NRG1: variants seen among roughly 807,000 people sequenced by gnomAD.
NRG1 encodes the protein neuregulin 1.
In NRG1, 18 loss-of-function variants were observed where a neutral mutation model predicts 63.8. That is an observed-to-expected ratio of 0.28 (90% CI 0.19 to 0.42). NRG1 has a LOEUF of 0.42. NRG1 is among the 10% of genes least tolerant of loss of function. NRG1 has a pLI of 1.00. For missense variants in NRG1, 762 were observed against 814.7 expected (o/e 0.94, Z 0.79); for synonymous variants, 302 against 301.3 (o/e 1.00, Z -0.02).
intron 1 of NRG1, among the ~76,000 whole-genome samples, chr8:32,193,416 T>G (rs1842681186): frequency 6.6e-6 from 1 of 152,028 alleles, no homozygotes; most frequent in Non-Finnish European, 1.5e-5. Context: ...CTTTTAGAAA[T>G]GAAAAATAAT....
chr8:32,320,264 T>C (rs369762607), intron 1 of NRG1, among the ~76,000 whole-genome samples: 25 of 152,300 alleles, frequency 1.6e-4, no homozygotes, highest in African/African-American at 5.8e-4. Flanking sequence ...CAAAAGGAAT[T>C]CTGGCATCAT....
At chr8:31,796,686 C>T (rs1392511081) in intron 1 of NRG1, among the ~76,000 whole-genome samples, 1 of 152,046 alleles carries the variant, frequency 6.6e-6, no homozygotes, top group Non-Finnish European at 1.5e-5. Context: ...ATCTGCCTGC[C>T]TCAGCCTCCC....
intron 1 of NRG1, among the ~76,000 whole-genome samples, chr8:32,339,524 T>C (rs1331437870): frequency 6.6e-6 from 1 of 152,206 alleles, no homozygotes; most frequent in African/African-American, 2.4e-5. Context: ...TTTGCATTTG[T>C]GTTTTGTTGT....
At chr8:32,416,353 T>C (rs1447090313) in intron 1 of NRG1, among the ~76,000 whole-genome samples, 4 of 138,344 alleles carry the variant, frequency 2.9e-5, no homozygotes, top group Non-Finnish European at 6.3e-5. Context: ...CTTCCCTCCC[T>C]TCCTCCTTTC....
chr8:32,173,804 A>G (rs903306714), intron 1 of NRG1, among the ~76,000 whole-genome samples: 1 of 152,192 alleles, frequency 6.6e-6, no homozygotes, highest in Non-Finnish European at 1.5e-5. Context: ...TCCTAAATAT[A>G]TATGCACCCA....
At position 31,726,791 on chromosome 8, in the gene NRG1, G is replaced by GT. The variant is rs398007432; in HGVS notation, c.37+87363dup. Among the ~76,000 whole-genome samples the GT allele has an allele frequency of 4.9e-3, 749 of 151,760 alleles. 6 individuals carry two copies. The highest frequency in any genetic ancestry group is 0.017 in the African/African-American group (689 of 41,368). On this transcript the variant is annotated intron_variant, in intron 1 of 10. Coordinates refer to the NRG1 transcript ENST00000519301. The stretch of plus-strand genomic sequence containing the variant: ...GTCCTGGAATGAGGCAAGGAGGAGG[G>GT]TTTGTACCCTTGCATTCATCAGTCA...
At chr8:31,819,292 A>G (rs1317021387) in intron 1 of NRG1, among the ~76,000 whole-genome samples, 1 of 152,176 alleles carries the variant, frequency 6.6e-6, no homozygotes, top group African/African-American at 2.4e-5. Flanking sequence ...GTATAAAACA[A>G]AATCTATCAG....
chr8:31,658,603 T>C (rs13273141), intron 1 of NRG1, among the ~76,000 whole-genome samples: 143,646 of 152,260 alleles, frequency 0.94, 68,300 homozygotes, highest in East Asian at 1. Context: ...GCTGGGATTA[T>C]AGACATGCAC....
intron 1 of NRG1, among the ~76,000 whole-genome samples, chr8:31,964,010 A>C (rs1379539581): frequency 6.6e-6 from 1 of 152,194 alleles, no homozygotes; most frequent in Non-Finnish European, 1.5e-5. Flanking sequence ...TTCCCTAAAC[A>C]TGCCACTGGC....
Position 31,640,456 on chromosome 8 carries a change from G to C in NRG1, c.37+1025G>C. ...CAGCGCCGGCGAGCCCGGGGAGGAG[G>C]CGCCCTATCTGGTGAAGGTGCACCA... is the stretch of plus-strand genomic sequence containing the variant. On this transcript the variant is annotated intron_variant, in intron 1 of 10. Coordinates refer to the NRG1 transcript ENST00000519301. The surrounding 1 kb of genome is among the most constrained non-coding windows in gnomAD (Gnocchi z 6.3). The C allele has an allele frequency of 6.4e-7, 1 of 1,565,590 alleles. No individual in the cohort carries two copies.
chr8:32,247,587 A>T (rs1848706466), intron 1 of NRG1, among the ~76,000 whole-genome samples: 1 of 152,132 alleles, frequency 6.6e-6, no homozygotes, highest in Admixed American at 6.6e-5. Context: ...GAGGGAAAAT[A>T]TCAAAAGTTG....
At position 32,446,039 on chromosome 8, in the gene NRG1, G is replaced by A. The variant is rs148952311; in HGVS notation, c.38-149789G>A. 7.6e-4 allele frequency among the ~76,000 whole-genome samples: 115 copies of A among 152,148 alleles called. 2 individuals are homozygous for A. The East Asian group carries it at 0.011, about 15-fold the overall frequency. ...AAAGGAAACAAAATCTCAAATAAAT[G>A]GACTAATTTGTTAAATTCTGGACTA... On this transcript the variant is annotated intron_variant, in intron 1 of 10. Transcript: ENST00000519301.
intron 1 of NRG1, among the ~76,000 whole-genome samples, chr8:32,019,867 T>C: frequency 6.6e-6 from 1 of 152,250 alleles, no homozygotes. Context: ...CCAGGTCTAT[T>C]TCTGTAGTTT....
chr8:31,663,770 C>A (rs1169285509), intron 1 of NRG1, among the ~76,000 whole-genome samples: 1 of 152,120 alleles, frequency 6.6e-6, no homozygotes, highest in Non-Finnish European at 1.5e-5. Flanking sequence ...AAGTACTATT[C>A]TACTTCCTCT....
chr8:31,798,620 G>A (rs1372845396), intron 1 of NRG1, among the ~76,000 whole-genome samples: 1 of 152,084 alleles, frequency 6.6e-6, no homozygotes, highest in Non-Finnish European at 1.5e-5. Context: ...AGTTAATACG[G>A]TTTTGTTTGC....
At chr8:32,103,669 T>C (rs1830866493) in intron 1 of NRG1, among the ~76,000 whole-genome samples, 1 of 152,196 alleles carries the variant, frequency 6.6e-6, no homozygotes, top group Non-Finnish European at 1.5e-5. Flanking sequence ...GAACCTCCTC[T>C]TGGGGAGCCA....
intron 1 of NRG1, among the ~76,000 whole-genome samples, chr8:31,917,470 C>A (rs1054847542): frequency 6.0e-5 from 9 of 150,622 alleles, no homozygotes; most frequent in African/African-American, 2.2e-4. Context: ...GGAATCCTTT[C>A]CCCATTGCTT....
rs146418720 is a variant in NRG1, at chr8:31,809,372, G to A, written c.37+169941G>A. Reference sequence around the variant, plus strand: ...TACACACACACACATATATATACACGTATATATACGTGTATATATATGTGT... The same window carrying A: ...TACACACACACACATATATATACACATATATATACGTGTATATATATGTGT... On this transcript the variant is annotated intron_variant, in intron 1 of 10. Transcript: ENST00000519301. Among the ~76,000 whole-genome samples the A allele has an allele frequency of 2.6e-4, 34 of 132,226 alleles. 1 individual carries two copies. In the South Asian group the frequency reaches 5.9e-3, roughly 23 times the overall value. 86.7% of individuals were successfully genotyped at this position (132,226 alleles called of 152,430 possible).
At chr8:31,727,560 A>G (rs2131337002) in intron 1 of NRG1, among the ~76,000 whole-genome samples, 2 of 152,308 alleles carry the variant, frequency 1.3e-5, no homozygotes, top group South Asian at 4.1e-4. Flanking sequence ...ATCCTCTTTC[A>G]ATTCTTCAAA....
Sources: allele counts gnomAD v4.1 joint callset (sites outside exome capture counted in the v4.1 genomes callset), GRCh38; gene constraint gnomAD v4.1.1; non-coding constraint Gnocchi (gnomAD v3.1); transcripts MANE v1.5; gene names NCBI Gene and HGNC (gene_info 2026-07-23, HGNC 2026-07-21).